The following SP140 variants were observed in gnomAD, a reference collection of about 807,000 sequenced individuals.
SP140 encodes SP140 nuclear body protein.
SP140 carries 81 observed loss-of-function variants against 125.0 expected under a neutral mutation model. That is an observed-to-expected ratio of 0.65 (90% CI 0.54 to 0.78). The LOEUF (loss-of-function observed/expected upper bound fraction) is 0.78, where lower values mean the gene tolerates loss of function less well. Among genes scored for constraint, SP140 ranks in the 30% least tolerant of loss-of-function variants. The probability of loss-of-function intolerance (pLI) is 0.00; values close to 1 mark genes in which losing one functional copy is unlikely to be tolerated. For synonymous variants in SP140, 312 were observed against 354.0 expected (o/e 0.88, Z 1.33); for missense variants, 858 against 1,037.0 (o/e 0.83, Z 2.37).
At position 230,237,195 on chromosome 2, in the gene SP140, A is replaced by G; in HGVS notation, c.172A>G (p.Thr58Ala). The G allele has an allele frequency of 6.2e-7, 1 of 1,613,894 alleles. No individual in the cohort carries two copies. The highest frequency in any genetic ancestry group is 8.5e-7 in the Non-Finnish European group (1 of 1,179,896). ...CAAGGTGGAGATTGCAAGTGCAATAACAAGGCCATTTCCTTTCCTTATGGG... is the reference window on the plus strand; with the variant it reads ...CAAGGTGGAGATTGCAAGTGCAATAGCAAGGCCATTTCCTTTCCTTATGGG... The part of the protein sequence containing the change: ...ENKVEIASAI[T>A]RPFPFLMGLR... Residue 58 changes from threonine to alanine, a missense_variant, in exon 2 of 27, where the codon ACA (threonine) becomes GCA (alanine). Thr to Ala is a moderately conservative substitution (Grantham distance 58, BLOSUM62 0). Transcript: ENST00000392045. This position sits in a 1 kb window ranked among gnomAD's most constrained non-coding sequence, Gnocchi z 5.4.
chr2:230,239,518 G>T (rs1310407175), intron 3 of SP140, among the ~76,000 whole-genome samples: 4 of 152,058 alleles, frequency 2.6e-5, no homozygotes, highest in African/African-American at 9.7e-5. Flanking sequence ...TGTGATCTTG[G>T]CTACTGCAAC....
At position 230,304,469 on chromosome 2, in the gene SP140, A is replaced by T. The variant is rs573597710; in HGVS notation, c.2059-5455A>T. Among the ~76,000 whole-genome samples, 10 of 152,340 alleles carry T rather than the reference A, an allele frequency of 6.6e-5. No homozygotes were observed. In the South Asian group the frequency reaches 2.1e-3, roughly 32 times the overall value. ...AAAGCAAGACTAAGCACAAAGAAAA[A>T]ACTTGGAGGCATCACATTACCTGAC... On this transcript the variant is annotated intron_variant, in intron 22 of 26. Transcript: ENST00000392045.
chr2:230,188,614 G>C, the SP140 span, among the ~76,000 whole-genome samples: 1 of 152,134 alleles, frequency 6.6e-6, no homozygotes, highest in Admixed American at 6.5e-5. Flanking sequence ...TATCACATTG[G>C]CTGTGGGTTT....
downstream of SP140, among the ~76,000 whole-genome samples, chr2:230,314,984 G>C (rs891562562): frequency 6.6e-6 from 1 of 152,248 alleles, no homozygotes; most frequent in African/African-American, 2.4e-5. Flanking sequence ...TAAGGGGCAT[G>C]AATGTTAGAG....
Position 230,211,987 on chromosome 2 carries a change from A to G in SP140, c.-322-1667A>G, listed in dbSNP as rs187411095. Among the ~76,000 whole-genome samples the G allele has an allele frequency of 1.1e-4, 16 of 152,296 alleles. No homozygotes were observed. The highest frequency in any genetic ancestry group is 1.0e-3 in the Admixed American group (16 of 15,300). On this transcript the variant is annotated intron_variant, in intron 1 of 4. Coordinates refer to the SP140 transcript ENST00000456542. This position sits in a 1 kb window ranked among gnomAD's most constrained non-coding sequence, Gnocchi z 4.2. ...AGAAGCTAAATATTAGGTCTAGCAG[A>G]CCTTTAAACATTTTATCATCTTTTC...
At chr2:230,243,694 A>C in intron 4 of SP140, 37 bp from the exon 5 acceptor site, 3 of 1,500,564 alleles carry the variant, frequency 2.0e-6, no homozygotes, top group Non-Finnish European at 2.8e-6. Flanking sequence ...TTTGACCATA[A>C]ATCAAGACAT....
intron 11 of SP140, among the ~76,000 whole-genome samples, chr2:230,254,397 C>G (rs1439548662): frequency 6.6e-6 from 1 of 152,136 alleles, no homozygotes; most frequent in Admixed American, 6.5e-5. Flanking sequence ...TTTCTCTCCC[C>G]GCAGCCTCAT....
intron 15 of SP140, among the ~76,000 whole-genome samples, chr2:230,281,483 A>AT (rs2055539659): frequency 6.6e-6 from 1 of 152,176 alleles, no homozygotes; most frequent in Non-Finnish European, 1.5e-5. Context: ...TTATAACTGC[A>AT]TTTTTCTGCA....
At chr2:230,278,468 A>G (rs1023501319) in intron 15 of SP140, among the ~76,000 whole-genome samples, 20 of 151,968 alleles carry the variant, frequency 1.3e-4, no homozygotes, top group African/African-American at 4.8e-4. Context: ...CATTTTTACA[A>G]TTATTTCATT....
chr2:230,297,341 A>G, intron 21 of SP140, 80 bp from the exon 22 acceptor site: 1 of 1,501,504 alleles, frequency 6.7e-7, no homozygotes, highest in Non-Finnish European at 9.2e-7. Flanking sequence ...CCTTCAAAGA[A>G]TACTATTTAA....
chr2:230,261,892 A>G (rs764112126), intron 12 of SP140, among the ~76,000 whole-genome samples: 18 of 152,290 alleles, frequency 1.2e-4, no homozygotes, highest in Admixed American at 3.9e-4. Flanking sequence ...TATGTTCATC[A>G]AGGATACCAG....
intron 3 of SP140, chr2:230,219,851 A>C: frequency 2.1e-6 from 2 of 930,550 alleles, no homozygotes; most frequent in Non-Finnish European, 2.6e-6. Context: ...GCGAAGAATA[A>C]AGCAGCAAAG....
the SP140 span, among the ~76,000 whole-genome samples, chr2:230,197,002 T>G: frequency 1.3e-5 from 2 of 152,202 alleles, no homozygotes; most frequent in Non-Finnish European, 2.9e-5. Context: ...ACAATAAACA[T>G]ACGTGTGCAT....
chr2:230,238,854 T>A (rs1399531481), intron 3 of SP140: 10 of 1,553,344 alleles, frequency 6.4e-6, no homozygotes, highest in Non-Finnish European at 8.7e-6. Context: ...ACTGGTACAC[T>A]GAGGAGGAGC....
upstream of SP140, among the ~76,000 whole-genome samples, chr2:230,220,854 AT>A (rs1405835218): frequency 6.6e-6 from 1 of 152,158 alleles, no homozygotes; most frequent in Non-Finnish European, 1.5e-5. Context: ...AAATAAAAAA[AT>A]AAAAAATTAA....
At position 230,309,960 on chromosome 2, in the gene SP140, G is replaced by T; in HGVS notation, c.2095G>T (p.Gly699Ter). 1 of 1,614,160 alleles carries T rather than the reference G, an allele frequency of 6.2e-7. No individual in the cohort carries two copies. The highest frequency in any genetic ancestry group is 8.5e-7 in the Non-Finnish European group (1 of 1,180,034). Residue 699 changes from glycine (G) to a stop codon, truncating the protein, a stop_gained, in exon 23 of 27, where the codon GGA becomes TGA. Coordinates refer to ENST00000392045, the MANE Select transcript of SP140 (RefSeq NM_007237.5). LOFTEE classifies it high-confidence loss of function. ...GGATGAGTGTGAGGTGTGCCGGGAC[G>T]GAGGGGAGCTGTTCTGTTGCGACAC... ...NLDECEVCRD[G>*]GELFCCDTCS...
At chr2:230,305,405 G>A (rs527364974) in intron 22 of SP140, among the ~76,000 whole-genome samples, 3 of 152,308 alleles carry the variant, frequency 2.0e-5, no homozygotes, top group Admixed American at 6.5e-5. Context: ...CACTACTGAC[G>A]GCAGCGGCAG....
At chr2:230,301,250 C>T (rs545017551) in intron 22 of SP140, among the ~76,000 whole-genome samples, 8 of 152,254 alleles carry the variant, frequency 5.3e-5, no homozygotes, top group African/African-American at 1.7e-4. Flanking sequence ...TGTTGCTGGC[C>T]TTTCTAGAGA....
intron 12 of SP140, among the ~76,000 whole-genome samples, chr2:230,264,200 G>A (rs2052708693): frequency 6.6e-6 from 1 of 151,956 alleles, no homozygotes; most frequent in Non-Finnish European, 1.5e-5. Flanking sequence ...TTGTTGGATT[G>A]GGTTAATTCA....
Sources: gnomAD v4.1 joint callset for allele counts (sites outside exome capture counted in the v4.1 genomes callset) on GRCh38, gnomAD v4.1.1 for gene constraint, Gnocchi (gnomAD v3.1) non-coding constraint, MANE v1.5 for transcripts, NCBI Gene and HGNC (gene_info 2026-07-23, HGNC 2026-07-21) for gene names.